CLMN: variants seen among roughly 807,000 people sequenced by gnomAD.
The protein encoded by CLMN is calmin, also known as calmin (calponin-like, transmembrane).
In CLMN, 57 loss-of-function variants were observed where a neutral mutation model predicts 92.7. The observed-to-expected ratio is 0.61, with a 90% CI of 0.50 to 0.77. The LOEUF (loss-of-function observed/expected upper bound fraction) is 0.77. Among genes scored for constraint, CLMN ranks in the 30% least tolerant of loss-of-function variants. The pLI is 0.00. For missense variants in CLMN, 1,158 were observed against 1,237.5 expected, an observed-to-expected ratio of 0.94 and a Z score of 0.96; for synonymous variants, 466 against 470.6, an observed-to-expected ratio of 0.99 and a Z score of 0.13.
Position 95,209,415 on chromosome 14 carries a change from G to A in CLMN, c.865C>T (p.Arg289Cys), listed in dbSNP as rs773038327. Residue 289 changes from arginine to cysteine, a missense_variant, in exon 8 of 13, where the codon CGT becomes TGT. Transcript: ENST00000298912. The part of the protein sequence containing the change: ...IMTYVAQFLE[R>C]FPELEAEDIF... ...CATACGGCTTCCAACTCCGGAAAAC[G>A]TTCTAGAAACTGTGCCACGTAAGTC... The A allele has an allele frequency of 3.7e-6, 6 of 1,613,960 alleles. No individual in the cohort carries two copies. Among genetic ancestry groups the A allele is most frequent in the East Asian group, 2.2e-5 (1 of 44,884 alleles).
intron 4 of CLMN, among the ~76,000 whole-genome samples, chr14:95,216,153 C>A (rs568662347): frequency 3.3e-5 from 5 of 152,208 alleles, no homozygotes; most frequent in African/African-American, 7.2e-5. Flanking sequence ...TGGTGGAGGG[C>A]GAAGGGGAAG....
At chr14:95,309,700 A>G (rs1203491347) in intron 1 of CLMN, among the ~76,000 whole-genome samples, 3 of 152,020 alleles carry the variant, frequency 2.0e-5, no homozygotes, top group African/African-American at 7.3e-5. Context: ...GTGCACTCTC[A>G]GCTAAAGCTT....
rs1595544761 is a variant in CLMN, at chr14:95,189,378, A to G, written c.*2186T>C. 6.6e-6 allele frequency: 1 copy of G among 152,356 alleles called. No homozygotes were observed. Among genetic ancestry groups the G allele is most frequent in the East Asian group, 1.9e-4 (1 of 5,192 alleles). 9.4% of individuals were successfully genotyped at this position (152,356 alleles called of 1,614,324 possible). A position where few individuals can be genotyped will look rare whatever the true frequency, so the allele number is the denominator to read the frequency against. Reference sequence around the variant, plus strand: ...TTAATTTAAAAAAAATTTACAAGCAATGGGGTGGTTTGTCCTGCAGACTTC... The same window carrying G: ...TTAATTTAAAAAAAATTTACAAGCAGTGGGGTGGTTTGTCCTGCAGACTTC... On this transcript the variant is annotated 3_prime_UTR_variant, in exon 13 of 13. Transcript: ENST00000298912.
chr14:95,311,748 T>C (rs1901551135), intron 1 of CLMN, among the ~76,000 whole-genome samples: 3 of 152,090 alleles, frequency 2.0e-5, no homozygotes, highest in African/African-American at 7.2e-5. Context: ...CCTGACCCCA[T>C]GGCCCCCCAC....
chr14:95,282,653 A>C (rs528671591), intron 1 of CLMN, among the ~76,000 whole-genome samples: 1 of 152,340 alleles, frequency 6.6e-6, no homozygotes, highest in Admixed American at 6.5e-5. Context: ...AACCACAAGG[A>C]CAAAGAGTCA....
chr14:95,284,448 A>G (rs1321202383), intron 1 of CLMN, among the ~76,000 whole-genome samples: 1 of 152,232 alleles, frequency 6.6e-6, no homozygotes, highest in Non-Finnish European at 1.5e-5. Flanking sequence ...TGGTAGATCC[A>G]CTGACAGCTT....
At chr14:95,311,817 T>C (rs1237038730) in intron 1 of CLMN, among the ~76,000 whole-genome samples, 2 of 152,076 alleles carry the variant, frequency 1.3e-5, no homozygotes, top group Non-Finnish European at 2.9e-5. Context: ...CCCCATCCTC[T>C]GCCACCTTCT....
intron 1 of CLMN, among the ~76,000 whole-genome samples, chr14:95,245,235 A>AT (rs1898475501): frequency 2.5e-5 from 1 of 40,446 alleles, no homozygotes; most frequent in Non-Finnish European, 3.9e-5. Flanking sequence ...TTATATATAT[A>AT]TATTATATAT....
At position 95,294,735 on chromosome 14, in the gene CLMN, T is replaced by C. The variant is rs550638904; in HGVS notation, c.82+24976A>G. On this transcript the variant is annotated intron_variant, in intron 1 of 12. Coordinates refer to ENST00000298912, the MANE Select transcript of CLMN (RefSeq NM_024734.4). This position sits in a 1 kb window ranked among gnomAD's most constrained non-coding sequence, Gnocchi z 4.2. ...TCCTGGGGGCAGGTCCTCCACAGGT[T>C]GTGTCACTGGGCACCTGGTCTTCTG... Among the ~76,000 whole-genome samples, 4 of 152,366 alleles carry C rather than the reference T, an allele frequency of 2.6e-5. No individual in the cohort carries two copies. The highest frequency in any genetic ancestry group is 7.2e-5 in the African/African-American group (3 of 41,588).
intron 9 of CLMN, among the ~76,000 whole-genome samples, chr14:95,202,002 C>T (rs147143550): frequency 8.5e-5 from 13 of 152,240 alleles, no homozygotes; most frequent in African/African-American, 3.1e-4. Context: ...GGGTTGGTTC[C>T]ATGTCTTTGC....
intron 1 of CLMN, among the ~76,000 whole-genome samples, chr14:95,298,038 G>A (rs1020547939): frequency 1.3e-5 from 2 of 152,080 alleles, no homozygotes; most frequent in African/African-American, 2.4e-5. Context: ...AGCAGCACAC[G>A]AGAGCTCCAG....
chr14:95,221,901 G>A (rs1897555035), intron 3 of CLMN, 127 bp from the exon 4 acceptor site: 17 of 816,946 alleles, frequency 2.1e-5, no homozygotes, highest in Non-Finnish European at 3.2e-5. Flanking sequence ...GGGGCTCACA[G>A]CTAAAACCCA....
intron 1 of CLMN, among the ~76,000 whole-genome samples, chr14:95,264,589 C>T (rs1000385997): frequency 1.3e-5 from 2 of 152,200 alleles, no homozygotes; most frequent in African/African-American, 4.8e-5. Flanking sequence ...GAAAGACTCA[C>T]ATCCAGGCCT....
chr14:95,293,039 T>C (rs1441220308), intron 1 of CLMN, among the ~76,000 whole-genome samples: 1 of 152,124 alleles, frequency 6.6e-6, no homozygotes, highest in Non-Finnish European at 1.5e-5. Flanking sequence ...ATTTGGGAGA[T>C]GGTTAGAAAT....
chr14:95,235,907 C>T (rs1898038459), intron 1 of CLMN, among the ~76,000 whole-genome samples: 1 of 152,156 alleles, frequency 6.6e-6, no homozygotes, highest in Admixed American at 6.5e-5. Flanking sequence ...TACCAGGCTC[C>T]CTGAACCTGC....
intron 1 of CLMN, among the ~76,000 whole-genome samples, chr14:95,303,630 G>A (rs113124397): frequency 1.4e-4 from 21 of 152,290 alleles, no homozygotes; most frequent in Non-Finnish European, 2.2e-4. Context: ...CAATGCCCCC[G>A]ATTTCTCCTG....
chr14:95,210,989 G>A (rs113096439), intron 6 of CLMN, 110 bp from the exon 7 acceptor site: 7 of 1,121,638 alleles, frequency 6.2e-6, no homozygotes, highest in African/African-American at 1.6e-5. Context: ...CAGAGCTGCC[G>A]ACCTCGCCAG....
Position 95,289,191 on chromosome 14 carries a change from T to C in CLMN, c.82+30520A>G, listed in dbSNP as rs568969954. Among the ~76,000 whole-genome samples the C allele has an allele frequency of 2.0e-5, 3 of 152,256 alleles. No individual in the cohort carries two copies. The South Asian group carries it at 6.2e-4, about 32-fold the overall frequency. On this transcript the variant is annotated intron_variant, in intron 1 of 12. Coordinates refer to ENST00000298912, the MANE Select transcript of CLMN (RefSeq NM_024734.4). ...CACTTTACTGTTATATGACACTTCATATAAATCCCATTGGTCAGGCTGGGC... is the reference window on the plus strand; with the variant it reads ...CACTTTACTGTTATATGACACTTCACATAAATCCCATTGGTCAGGCTGGGC...
intron 1 of CLMN, among the ~76,000 whole-genome samples, chr14:95,310,541 T>A (rs560232685): frequency 6.6e-6 from 1 of 152,246 alleles, no homozygotes; most frequent in Non-Finnish European, 1.5e-5. Context: ...GGGATTAGGA[T>A]GTGGACATCT....
Sources: gnomAD v4.1 joint callset for allele counts (sites outside exome capture counted in the v4.1 genomes callset) on GRCh38, gnomAD v4.1.1 for gene constraint, Gnocchi (gnomAD v3.1) non-coding constraint, MANE v1.5 for transcripts, NCBI Gene and HGNC (gene_info 2026-07-23, HGNC 2026-07-21) for gene names.